The following HPRT1 variants were observed in gnomAD, a reference collection of about 807,000 sequenced individuals.
HPRT1 encodes the protein hypoxanthine phosphoribosyltransferase 1.
HPRT1 carries 4 observed loss-of-function variants against 19.0 expected under a neutral mutation model. The observed-to-expected ratio is 0.21, with a 90% CI of 0.10 to 0.48. The LOEUF is 0.48. Among genes scored for constraint, HPRT1 ranks in the 20% least tolerant of loss-of-function variants. The pLI, the probability that HPRT1 is intolerant of heterozygous loss-of-function variation, is 0.98. For synonymous variants in HPRT1, 53 were observed against 54.9 expected, an observed-to-expected ratio of 0.97 and a Z score of 0.15; for missense variants, 65 against 164.0, an observed-to-expected ratio of 0.40 and a Z score of 3.30.
intron 2 of HPRT1, among the ~76,000 whole-genome samples, chrX:134,474,418 CTCTT>C (rs949457857): frequency 1.3e-5 from 1 of 75,648 alleles, no homozygotes; most frequent in African/African-American, 6.5e-5. Context: ...CACAATTTGT[CTCTT>C]TTTTTTTTTT....
intron 2 of HPRT1, among the ~76,000 whole-genome samples, chrX:134,474,721 T>A (rs2077619595): frequency 1.8e-5 from 2 of 111,744 alleles, no homozygotes; most frequent in South Asian, 7.5e-4. Flanking sequence ...TTTCATTTAA[T>A]CAGAACCTGC....
At chrX:134,460,690 G>A (rs974284681) in intron 1 of HPRT1, among the ~76,000 whole-genome samples, 1 of 110,711 alleles carries the variant, frequency 9.0e-6, no homozygotes, top group South Asian at 3.9e-4. Flanking sequence ...TGGGGGCGTG[G>A]GGGCTTTCTC....
At chrX:134,471,726 C>T (rs1290055054) in intron 1 of HPRT1, among the ~76,000 whole-genome samples, 3 of 108,792 alleles carry the variant, frequency 2.8e-5, no homozygotes, top group Non-Finnish European at 5.8e-5. Context: ...CTGCAACCTC[C>T]ACCTCCCGGG....
At chrX:134,477,910 A>G (rs1200920907) in intron 3 of HPRT1, among the ~76,000 whole-genome samples, 6 of 111,589 alleles carry the variant, frequency 5.4e-5, no homozygotes, top group African/African-American at 1.6e-4. Context: ...TCCTGGGCTC[A>G]AGCAGTCTTC....
chrX:134,481,032 A>G (rs2077638199), intron 3 of HPRT1, among the ~76,000 whole-genome samples: 1 of 109,960 alleles, frequency 9.1e-6, no homozygotes, highest in African/African-American at 3.3e-5. Flanking sequence ...TGGGATACAT[A>G]TAGGTGGTTA....
chrX:134,475,080 A>G (rs117407), intron 2 of HPRT1, 101 bp from the exon 3 acceptor site: 627 of 639,065 alleles, frequency 9.8e-4, no homozygotes, highest in Non-Finnish European at 1.4e-3. Context: ...GGGTCTCACT[A>G]TATTGCCCAG....
chrX:134,486,786 C>CA (rs940100133), intron 4 of HPRT1: 2 of 167,515 alleles, frequency 1.2e-5, no homozygotes, highest in Non-Finnish European at 2.2e-5. Flanking sequence ...TGGGATCCTT[C>CA]AAAAAACATT....
chrX:134,463,039 T>C (rs1160928097), intron 1 of HPRT1, among the ~76,000 whole-genome samples: 1 of 111,938 alleles, frequency 8.9e-6, no homozygotes, highest in Non-Finnish European at 1.9e-5. Flanking sequence ...TTTTAGGCGT[T>C]GAAGTAAATA....
rs1026398766 is a variant in HPRT1 at position 134,497,080 on chromosome X, C to T, written c.486-1310C>T. On this transcript the variant is annotated intron_variant, in intron 6 of 8. Transcript: ENST00000298556. Reference sequence around the variant, plus strand: ...TTTTGGTAGAGTTGACTTATACCACCTCCAGCTTTTGTTCCAAAAATAAAT... The same window carrying T: ...TTTTGGTAGAGTTGACTTATACCACTTCCAGCTTTTGTTCCAAAAATAAAT... Among the ~76,000 whole-genome samples the T allele has an allele frequency of 3.0e-4, 34 of 112,067 alleles. No homozygotes were observed. The Admixed American group carries it at 3.2e-3, about 11-fold the overall frequency.
intron 6 of HPRT1, among the ~76,000 whole-genome samples, chrX:134,495,545 G>A (rs17882713): frequency 0.013 from 1,432 of 111,658 alleles, 24 homozygotes; most frequent in African/African-American, 0.044. Flanking sequence ...GCTTAATTGC[G>A]TTTTAGAATG....
intron 3 of HPRT1, among the ~76,000 whole-genome samples, chrX:134,480,269 G>A (rs1278227569): frequency 2.7e-5 from 3 of 111,052 alleles, no homozygotes; most frequent in Admixed American, 9.7e-5. Flanking sequence ...GCAGAACTCA[G>A]AGTCACTCTT....
intron 3 of HPRT1, among the ~76,000 whole-genome samples, chrX:134,477,132 C>A (rs1290747621): frequency 1.1e-4 from 12 of 105,405 alleles, no homozygotes; most frequent in African/African-American, 4.2e-4. Flanking sequence ...ATGATCGTAG[C>A]TCACTGCAAC....
intron 2 of HPRT1, among the ~76,000 whole-genome samples, chrX:134,473,923 C>T (rs1200797288): frequency 8.9e-6 from 1 of 111,902 alleles, no homozygotes; most frequent in African/African-American, 3.2e-5. Flanking sequence ...ATTATAATAT[C>T]AAAATATTTG....
At chrX:134,486,994 C>T (rs1371860142) in intron 4 of HPRT1, among the ~76,000 whole-genome samples, 1 of 110,745 alleles carries the variant, frequency 9.0e-6, no homozygotes, top group African/African-American at 3.3e-5. Context: ...AGTTACTTAA[C>T]CTCTCTGTGT....
chrX:134,490,241 A>G, intron 5 of HPRT1, 36 bp downstream of exon 5: 2 of 855,702 alleles, frequency 2.3e-6, no homozygotes, highest in African/African-American at 2.0e-5. Context: ...AACATTTATG[A>G]CTTTTCTAAC....
chrX:134,470,312 A>T (rs2124288224), intron 1 of HPRT1, among the ~76,000 whole-genome samples: 1 of 111,909 alleles, frequency 8.9e-6, no homozygotes, highest in East Asian at 2.8e-4. Flanking sequence ...ACAATACATG[A>T]AGTTCCACCA....
chrX:134,461,151 G>C (rs1275918629), intron 1 of HPRT1, among the ~76,000 whole-genome samples: 1 of 111,578 alleles, frequency 9.0e-6, no homozygotes, highest in Non-Finnish European at 1.9e-5. Flanking sequence ...CAACCGTTCT[G>C]ATCATGCTTG....
At chrX:134,479,926 T>TTTTTA (rs929322871) in intron 3 of HPRT1, among the ~76,000 whole-genome samples, 113 of 110,812 alleles carry the variant, frequency 1.0e-3, no homozygotes, top group Middle Eastern at 4.6e-3. Flanking sequence ...TTTATTTTTA[T>TTTTTA]TTTTATTTTA....
intron 4 of HPRT1, among the ~76,000 whole-genome samples, chrX:134,487,773 T>C (rs184928651): frequency 8.9e-6 from 1 of 112,192 alleles, no homozygotes; most frequent in East Asian, 2.8e-4. Context: ...AGAGGAGAAA[T>C]GAGCTTTGCC....
Sources: allele counts gnomAD v4.1 joint callset (sites outside exome capture counted in the v4.1 genomes callset), GRCh38; gene constraint gnomAD v4.1.1; transcripts MANE v1.5; gene names NCBI Gene and HGNC (gene_info 2026-07-23, HGNC 2026-07-21).